MYLK4: variants seen among roughly 807,000 people sequenced by gnomAD.
The protein encoded by MYLK4 is myosin light chain kinase family member 4, also known as caMLCK like.
In MYLK4, 46 loss-of-function variants were observed where a neutral mutation model predicts 48.1. That is an observed-to-expected ratio of 0.96 (90% CI 0.75 to 1.22). The LOEUF (loss-of-function observed/expected upper bound fraction) is 1.22, where lower values mean the gene tolerates loss of function less well. Ranked by LOEUF, MYLK4 falls within the 50% of genes most tolerant of loss-of-function variation. The pLI is 0.00. For missense variants in MYLK4, 451 were observed against 486.1 expected, an observed-to-expected ratio of 0.93 and a Z score of 0.68; for synonymous variants, 170 against 180.8, an observed-to-expected ratio of 0.94 and a Z score of 0.48.
intron 2 of MYLK4, among the ~76,000 whole-genome samples, chr6:2,713,094 G>A (rs534210747): frequency 7.2e-5 from 11 of 152,278 alleles, no homozygotes; most frequent in Admixed American, 2.0e-4. Flanking sequence ...ACATAGTCCC[G>A]GCATGGTGGC....
chr6:2,722,819 A>C (rs1763117781), intron 2 of MYLK4, among the ~76,000 whole-genome samples: 1 of 152,212 alleles, frequency 6.6e-6, no homozygotes, highest in African/African-American at 2.4e-5. Flanking sequence ...TGGATAACGA[A>C]TATAAAAATA....
the MYLK4 span, chr6:2,766,516 G>C: frequency 1.4e-6 from 2 of 1,432,968 alleles, no homozygotes; most frequent in South Asian, 1.5e-5. Flanking sequence ...TCGGAGAGCC[G>C]GGTGTGCTGC....
chr6:2,714,381 G>A (rs562926378), intron 2 of MYLK4, among the ~76,000 whole-genome samples: 5 of 152,338 alleles, frequency 3.3e-5, no homozygotes, highest in Admixed American at 6.5e-5. Context: ...GTAATTGAAA[G>A]TGGGTTTGAA....
chr6:2,698,930 C>G (rs1762169678), intron 2 of MYLK4, among the ~76,000 whole-genome samples: 1 of 152,168 alleles, frequency 6.6e-6, no homozygotes, highest in African/African-American at 2.4e-5. Flanking sequence ...AACTGACTGA[C>G]CAAATCCAGA....
chr6:2,737,240 G>C (rs985138913), intron 2 of MYLK4, among the ~76,000 whole-genome samples: 3 of 152,254 alleles, frequency 2.0e-5, no homozygotes, highest in Admixed American at 1.3e-4. Context: ...TTGAACCCGG[G>C]AGGCGGAGGT....
chr6:2,708,699 C>G lies in MYLK4; in HGVS notation c.160-15840G>C, dbSNP rs527818068. On this transcript the variant is annotated intron_variant, in intron 2 of 12. Transcript: ENST00000274643. Reference sequence around the variant, plus strand: ...TTTGGCCTATCACTTTGTACTCTGACTCATAACTAAAAGTCCTAGTTCCCA... The same window carrying G: ...TTTGGCCTATCACTTTGTACTCTGAGTCATAACTAAAAGTCCTAGTTCCCA... Among the ~76,000 whole-genome samples, 4 of 152,246 alleles carry G rather than the reference C, an allele frequency of 2.6e-5. No homozygotes were observed. In the South Asian group the frequency reaches 8.3e-4, roughly 32 times the overall value.
chr6:2,721,344 C>T (rs376260244), intron 2 of MYLK4, among the ~76,000 whole-genome samples: 1 of 152,124 alleles, frequency 6.6e-6, no homozygotes, highest in Admixed American at 6.5e-5. Context: ...ATTCTGGGTA[C>T]GTGACCTCAA....
intron 2 of MYLK4, chr6:2,744,020 C>T (rs1444140722): frequency 2.5e-6 from 1 of 398,944 alleles, no homozygotes; most frequent in East Asian, 3.6e-5. Flanking sequence ...GTCTTTTCTT[C>T]TGAGTGTGAA....
chr6:2,674,083 C>T (rs944477394), intron 11 of MYLK4, among the ~76,000 whole-genome samples: 1 of 152,144 alleles, frequency 6.6e-6, no homozygotes, highest in East Asian at 1.9e-4. Context: ...CACAGATGGA[C>T]ATATGGATCT....
At chr6:2,744,101 A>G in intron 2 of MYLK4, 1 of 396,606 alleles carries the variant, frequency 2.5e-6, no homozygotes, top group East Asian at 3.6e-5. Context: ...ATCTAGCACC[A>G]GCACTTCTCA....
rs988709778 is a variant in MYLK4 at position 2,685,573 on chromosome 6, C to G, written c.345G>C (p.Gly115=). 8.1e-6 allele frequency: 13 copies of G among 1,614,012 alleles called. No individual in the cohort carries two copies. The African/African-American group carries it at 1.6e-4, about 20-fold the overall frequency. ...TVSKTEILGG[G]RFGQVHKCEE... Reference sequence around the variant, plus strand: ...CACACTTGTGAACCTGGCCGAAACGCCCTCTGCCAAAAAGAGGAAGCGGCG... The same window carrying G: ...CACACTTGTGAACCTGGCCGAAACGGCCTCTGCCAAAAAGAGGAAGCGGCG... Residue 115 remains glycine (G), a synonymous_variant, in exon 5 of 13, where the codon GGG becomes GGC. Transcript: ENST00000274643. This position sits in a 1 kb window ranked among gnomAD's most constrained non-coding sequence, Gnocchi z 4.5.
intron 12 of MYLK4, among the ~76,000 whole-genome samples, chr6:2,670,368 A>AACACAAAC: frequency 6.6e-6 from 1 of 150,752 alleles, no homozygotes; most frequent in East Asian, 2.0e-4. Flanking sequence ...TCTATCTCAA[A>AACACAAAC]AAACAAACAA....
chr6:2,763,544 G>GA, the MYLK4 span, among the ~76,000 whole-genome samples: 2 of 152,236 alleles, frequency 1.3e-5, no homozygotes, highest in South Asian at 4.1e-4. Context: ...TGGGCCGGTG[G>GA]TGCAGGCCGC....
chr6:2,707,492 C>G (rs1762535036), intron 2 of MYLK4, among the ~76,000 whole-genome samples: 1 of 152,180 alleles, frequency 6.6e-6, no homozygotes, highest in Non-Finnish European at 1.5e-5. Context: ...AGTTCGCATG[C>G]TATTACTTTG....
chr6:2,769,887 C>T, the MYLK4 span, among the ~76,000 whole-genome samples: 1 of 152,154 alleles, frequency 6.6e-6, no homozygotes, highest in African/African-American at 2.4e-5. Context: ...ATTAGTCTAC[C>T]AGCAAGAGAT....
Position 2,664,229 on chromosome 6 carries a change from A to G in MYLK4, c.*3696T>C, listed in dbSNP as rs1402976840. ...AGACAAACTTGGATCCGAACTTAAGAAAAAGGAAAGAAGTAAAAAAATGTA... is the reference window on the plus strand; with the variant it reads ...AGACAAACTTGGATCCGAACTTAAGGAAAAGGAAAGAAGTAAAAAAATGTA... On this transcript the variant is annotated 3_prime_UTR_variant, in exon 13 of 13. Coordinates refer to ENST00000274643, the MANE Select transcript of MYLK4 (RefSeq NM_001012418.5). 6.6e-6 allele frequency: 1 copy of G among 152,242 alleles called. No individual in the cohort carries two copies. Among genetic ancestry groups the G allele is most frequent in the Non-Finnish European group, 1.5e-5 (1 of 68,052 alleles). The allele number at this position is 152,242 out of a possible 1,614,324, so 9.4% of individuals were successfully genotyped here.
At chr6:2,669,271 T>C (rs1760785981) in intron 12 of MYLK4, among the ~76,000 whole-genome samples, 1 of 152,220 alleles carries the variant, frequency 6.6e-6, no homozygotes, top group South Asian at 2.1e-4. Context: ...AGAGGCTGTG[T>C]CCAGCTGCCC....
intron 2 of MYLK4, among the ~76,000 whole-genome samples, chr6:2,708,050 T>C (rs1762554077): frequency 6.6e-6 from 1 of 152,146 alleles, no homozygotes; most frequent in Non-Finnish European, 1.5e-5. Context: ...AACTCAAAAA[T>C]AGAAATTTTG....
At chr6:2,742,765 GC>G (rs1763942907) in intron 2 of MYLK4, among the ~76,000 whole-genome samples, 3 of 149,090 alleles carry the variant, frequency 2.0e-5, no homozygotes, top group African/African-American at 4.9e-5. Context: ...TATACCTAAT[GC>G]TAAATGACGA....
Sources: allele counts gnomAD v4.1 joint callset (sites outside exome capture counted in the v4.1 genomes callset), GRCh38; gene constraint gnomAD v4.1.1; non-coding constraint Gnocchi (gnomAD v3.1); transcripts MANE v1.5; gene names NCBI Gene and HGNC (gene_info 2026-07-23, HGNC 2026-07-21).